PCCA: variants seen among roughly 807,000 people sequenced by gnomAD.
PCCA encodes the protein propionyl-CoA carboxylase subunit alpha, also known as propionyl-CoA carboxylase alpha chain, mitochondrial.
In PCCA, 74 loss-of-function variants were observed where a neutral mutation model predicts 101.3. The observed-to-expected ratio is 0.73, with a 90% confidence interval of 0.61 to 0.89. PCCA has a LOEUF of 0.89. Ranked by LOEUF, PCCA falls within the 40% of genes least tolerant of loss-of-function variation. The probability of loss-of-function intolerance (pLI) is 0.00; values close to 1 mark genes in which losing one functional copy is unlikely to be tolerated. For synonymous variants in PCCA, 294 were observed against 313.6 expected, an observed-to-expected ratio of 0.94 and a Z score of 0.66; for missense variants, 891 against 907.0, an observed-to-expected ratio of 0.98 and a Z score of 0.23.
At chr13:100,219,489 A>G (rs1284454837) in intron 7 of PCCA, among the ~76,000 whole-genome samples, 1 of 152,064 alleles carries the variant, frequency 6.6e-6, no homozygotes, top group Non-Finnish European at 1.5e-5. Context: ...CTAGGAAGGG[A>G]ATGTTTCTTG....
At chr13:100,308,557 C>G (rs1378487306) in intron 15 of PCCA, among the ~76,000 whole-genome samples, 1 of 151,252 alleles carries the variant, frequency 6.6e-6, no homozygotes, top group Non-Finnish European at 1.5e-5. Flanking sequence ...AATACCTGAG[C>G]TCAAGCAATC....
chr13:100,199,697 C>T (rs2058353998), intron 6 of PCCA, among the ~76,000 whole-genome samples: 2 of 152,044 alleles, frequency 1.3e-5, no homozygotes, highest in South Asian at 4.2e-4. Context: ...TATTGGATTA[C>T]AAAATTTTGG....
chr13:100,466,231 C>G (rs2082507121), intron 21 of PCCA: 1 of 152,242 alleles, frequency 6.6e-6, no homozygotes, highest in South Asian at 2.1e-4. Flanking sequence ...TGATAAGCAT[C>G]ACTTCACAGT....
At chr13:100,286,142 C>T (rs976471855) in intron 12 of PCCA, among the ~76,000 whole-genome samples, 10 of 152,102 alleles carry the variant, frequency 6.6e-5, no homozygotes, top group Non-Finnish European at 1.2e-4. Flanking sequence ...GTATGAGGAA[C>T]GGGACTAAGA....
chr13:100,123,029 A>G (rs1018001722), intron 4 of PCCA, among the ~76,000 whole-genome samples: 13 of 152,226 alleles, frequency 8.5e-5, no homozygotes, highest in African/African-American at 2.7e-4. Context: ...AGAAGATTGT[A>G]TTGAGTTTCT....
In PCCA at chr13:100,388,614, G is replaced by A. The variant is rs746431805; in HGVS notation, c.1746+20040G>A. Among the ~76,000 whole-genome samples the A allele has an allele frequency of 3.7e-4, 56 of 152,270 alleles. 1 individual carries two copies. The highest frequency in any genetic ancestry group is 6.8e-3 in the Middle Eastern group (2 of 294). On this transcript the variant is annotated intron_variant, in intron 19 of 23. Coordinates refer to ENST00000376285, the MANE Select transcript of PCCA (RefSeq NM_000282.4). ...AGTTGGAGACCAATCTGGCCAACAT[G>A]GTGAAACCCAGTCTCTACTAAAGAT...
chr13:100,159,683 C>A (rs9518012), intron 6 of PCCA, among the ~76,000 whole-genome samples: 1 of 151,992 alleles, frequency 6.6e-6, no homozygotes, highest in Non-Finnish European at 1.5e-5. Context: ...TTCTTTCACA[C>A]GAGTTTTCTT....
intron 20 of PCCA, among the ~76,000 whole-genome samples, chr13:100,426,864 G>GA (rs1270578452): frequency 3.3e-5 from 5 of 151,698 alleles, no homozygotes; most frequent in Non-Finnish European, 2.9e-5. Flanking sequence ...TAAGACTCTT[G>GA]AAAAAAATAT....
chr13:100,152,238 G>C (rs2053412972), intron 4 of PCCA, among the ~76,000 whole-genome samples: 1 of 152,132 alleles, frequency 6.6e-6, no homozygotes, highest in Non-Finnish European at 1.5e-5. Flanking sequence ...CCTGCAAATG[G>C]AGGAAAAGAA....
At chr13:100,273,157 T>C in intron 11 of PCCA, 39 bp from the exon 12 acceptor site, 1 of 1,560,830 alleles carries the variant, frequency 6.4e-7, no homozygotes, top group Non-Finnish European at 8.8e-7. Context: ...AACTTGATTT[T>C]TGTCCGAAAT....
At position 100,283,337 on chromosome 13, in the gene PCCA, T is replaced by TCAGA. The variant is rs530178176; in HGVS notation, c.1065+9992_1065+9995dup. On this transcript the variant is annotated intron_variant, in intron 12 of 23. Transcript: ENST00000376285. ...TATGGATCCCCACTGGGACCTTGACTCAGATCATGGGGACTGGAGTCATAA... is the reference window on the plus strand; with the variant it reads ...TATGGATCCCCACTGGGACCTTGACTCAGACAGATCATGGGGACTGGAGTCATAA... 9.9e-4 allele frequency among the ~76,000 whole-genome samples: 150 copies of TCAGA among 152,234 alleles called. 4 individuals carry two copies. The South Asian group carries it at 0.028, about 29-fold the overall frequency.
chr13:100,455,356 G>A (rs1364660593), intron 21 of PCCA, among the ~76,000 whole-genome samples: 7 of 152,252 alleles, frequency 4.6e-5, no homozygotes, highest in South Asian at 4.1e-4. Flanking sequence ...ACATCTTCCC[G>A]ACTTGTATCT....
intron 21 of PCCA, among the ~76,000 whole-genome samples, chr13:100,464,987 G>A (rs578260580): frequency 2.6e-4 from 39 of 152,284 alleles, no homozygotes; most frequent in African/African-American, 9.4e-4. Context: ...GTGGACTATC[G>A]ATCTCTTGTA....
At chr13:100,202,996 G>A (rs2058620740) in intron 6 of PCCA, among the ~76,000 whole-genome samples, 1 of 152,080 alleles carries the variant, frequency 6.6e-6, no homozygotes, top group Non-Finnish European at 1.5e-5. Context: ...TGATAGGCCA[G>A]GTGCGGTGGC....
At chr13:100,130,825 G>C (rs1318355820) in intron 4 of PCCA, among the ~76,000 whole-genome samples, 1 of 152,084 alleles carries the variant, frequency 6.6e-6, no homozygotes, top group Non-Finnish European at 1.5e-5. Context: ...AACTCAGCTG[G>C]GATGCTCTAC....
At chr13:100,369,922 A>T (rs2075453802) in intron 19 of PCCA, among the ~76,000 whole-genome samples, 1 of 152,138 alleles carries the variant, frequency 6.6e-6, no homozygotes, top group African/African-American at 2.4e-5. Context: ...GATTAACTTT[A>T]CAAAAATGTA....
At chr13:100,522,632 C>A (rs573945663) in intron 22 of PCCA, among the ~76,000 whole-genome samples, 2 of 152,236 alleles carry the variant, frequency 1.3e-5, no homozygotes, top group East Asian at 3.9e-4. Flanking sequence ...TTAAAGGAGA[C>A]CTGACTCCCT....
intron 19 of PCCA, among the ~76,000 whole-genome samples, chr13:100,375,573 G>T (rs192492252): frequency 6.6e-6 from 1 of 152,168 alleles, no homozygotes; most frequent in Non-Finnish European, 1.5e-5. Context: ...ATATATTTAG[G>T]ATAGTTAGCC....
intron 4 of PCCA, among the ~76,000 whole-genome samples, chr13:100,148,453 C>T (rs955321042): frequency 8.6e-6 from 1 of 115,830 alleles, no homozygotes; most frequent in Non-Finnish European, 1.6e-5. Flanking sequence ...TGCTTTATTC[C>T]GCAGTCCTTT....
Sources: allele counts gnomAD v4.1 joint callset (sites outside exome capture counted in the v4.1 genomes callset), GRCh38; gene constraint gnomAD v4.1.1; transcripts MANE v1.5; gene names NCBI Gene and HGNC (gene_info 2026-07-23, HGNC 2026-07-21).